The following OSBPL8 variants were observed in gnomAD, a reference collection of about 807,000 sequenced individuals.
OSBPL8 encodes oxysterol-binding protein-related protein 8.
In OSBPL8, 59 loss-of-function variants were observed where a neutral mutation model predicts 125.5. The observed-to-expected ratio is 0.47, with a 90% CI of 0.38 to 0.58. The LOEUF is 0.58. Among genes scored for constraint, OSBPL8 ranks in the 20% least tolerant of loss-of-function variants. OSBPL8 has a pLI of 0.00. For synonymous variants in OSBPL8, 330 were observed against 338.9 expected (o/e 0.97, Z 0.29); for missense variants, 758 against 1,047.8 (o/e 0.72, Z 3.82).
chr12:76,404,307 C>A (rs1267416443), intron 5 of OSBPL8, among the ~76,000 whole-genome samples: 1 of 152,084 alleles, frequency 6.6e-6, no homozygotes, highest in African/African-American at 2.4e-5. Flanking sequence ...CTTCCCACAA[C>A]TTAATAGGAC....
intron 12 of OSBPL8, among the ~76,000 whole-genome samples, chr12:76,387,773 A>G (rs1023928806): frequency 6.6e-6 from 1 of 152,188 alleles, no homozygotes; most frequent in Non-Finnish European, 1.5e-5. Context: ...TTTCTGGAGT[A>G]ACAACCCTCT....
intron 4 of OSBPL8, among the ~76,000 whole-genome samples, chr12:76,447,239 A>C (rs371209901): frequency 2.0e-5 from 3 of 152,216 alleles, no homozygotes; most frequent in East Asian, 3.8e-4. Flanking sequence ...GTCATAAAGA[A>C]TGAAAAGACG....
At chr12:76,457,663 T>G (rs1874222928) in intron 3 of OSBPL8, among the ~76,000 whole-genome samples, 1 of 152,186 alleles carries the variant, frequency 6.6e-6, no homozygotes, top group South Asian at 2.1e-4. Context: ...CTTTTAATAC[T>G]TGGCAGAGTA....
At chr12:76,471,459 T>C (rs958700048) in intron 2 of OSBPL8, among the ~76,000 whole-genome samples, 4 of 152,186 alleles carry the variant, frequency 2.6e-5, no homozygotes, top group Non-Finnish European at 5.9e-5. Flanking sequence ...ACTCCTAATA[T>C]TAAGTCCAGG....
intron 2 of OSBPL8, among the ~76,000 whole-genome samples, chr12:76,460,248 G>A (rs1451603011): frequency 6.6e-6 from 1 of 152,062 alleles, no homozygotes; most frequent in South Asian, 2.1e-4. Flanking sequence ...AAATTACATA[G>A]AAATTTAAGA....
intron 2 of OSBPL8, among the ~76,000 whole-genome samples, chr12:76,487,115 C>T (rs918018070): frequency 6.6e-6 from 1 of 150,650 alleles, no homozygotes; most frequent in Non-Finnish European, 1.5e-5. Context: ...CTGCAACCTC[C>T]ACCTCCCAAG....
At chr12:76,460,219 G>C (rs1874551053) in intron 2 of OSBPL8, among the ~76,000 whole-genome samples, 1 of 152,066 alleles carries the variant, frequency 6.6e-6, no homozygotes, top group African/African-American at 2.4e-5. Context: ...TACAATTCAA[G>C]ATATGTTAGT....
chr12:76,499,778 C>T (rs1025245318), intron 1 of OSBPL8, among the ~76,000 whole-genome samples: 2 of 151,882 alleles, frequency 1.3e-5, no homozygotes, highest in African/African-American at 4.8e-5. Flanking sequence ...CACTTGGACC[C>T]GGGAGCGGAG....
At chr12:76,372,454 G>A (rs1421667082) in intron 18 of OSBPL8, among the ~76,000 whole-genome samples, 1 of 151,896 alleles carries the variant, frequency 6.6e-6, no homozygotes, top group Admixed American at 6.6e-5. Context: ...CCAAAGTGCT[G>A]GAATTATAGG....
At chr12:76,517,942 G>A (rs1881712946) in intron 1 of OSBPL8, among the ~76,000 whole-genome samples, 1 of 152,160 alleles carries the variant, frequency 6.6e-6, no homozygotes, top group Non-Finnish European at 1.5e-5. Context: ...CAACATTGGA[G>A]ATCACATTTC....
chr12:76,379,948 AT>A (rs1952974399), intron 15 of OSBPL8, among the ~76,000 whole-genome samples: 1 of 152,342 alleles, frequency 6.6e-6, no homozygotes, highest in Admixed American at 6.5e-5. Context: ...GTCAAAAAAC[AT>A]TTGACCATGT....
intron 1 of OSBPL8, among the ~76,000 whole-genome samples, chr12:76,516,936 C>G (rs1307397864): frequency 1.3e-5 from 2 of 151,780 alleles, no homozygotes; most frequent in Non-Finnish European, 2.9e-5. Context: ...TGTCTCGCCT[C>G]CTGAGTAGCT....
intron 1 of OSBPL8, among the ~76,000 whole-genome samples, chr12:76,505,516 T>C (rs182919477): frequency 6.9e-4 from 105 of 152,258 alleles, no homozygotes; most frequent in Admixed American, 3.7e-3. Context: ...TTGTGTATTA[T>C]AATAGATACT....
At chr12:76,529,099 CATT>C (rs63008760) in intron 1 of OSBPL8, among the ~76,000 whole-genome samples, 30,890 of 151,688 alleles carry the variant, frequency 0.2, 3,357 homozygotes, top group Non-Finnish European at 0.26. Context: ...GCTAAAATAT[CATT>C]ATGAATTTCA....
In OSBPL8 at chr12:76,525,204, T is replaced by C. The variant is rs557133370; in HGVS notation, c.-68+34193A>G. Among the ~76,000 whole-genome samples, 2 of 152,312 alleles carry C rather than the reference T, an allele frequency of 1.3e-5. 1 individual carries two copies. The highest frequency in any genetic ancestry group is 4.1e-4 in the South Asian group (2 of 4,828). On this transcript the variant is annotated intron_variant, in intron 1 of 23. Coordinates refer to ENST00000261183, the MANE Select transcript of OSBPL8 (RefSeq NM_020841.5). ...TTTTTAAAAATTTCTCAGAATTATT[T>C]GAACATTTGCTGGATATTTTATGTC... is the stretch of plus-strand genomic sequence containing the variant.
At chr12:76,430,003 C>T (rs1338850830) in intron 4 of OSBPL8, among the ~76,000 whole-genome samples, 1 of 152,120 alleles carries the variant, frequency 6.6e-6, no homozygotes, top group African/African-American at 2.4e-5. Context: ...CCACTAGCAC[C>T]CCTGGTAACA....
chr12:76,420,881 G>A (rs984453540), intron 4 of OSBPL8, among the ~76,000 whole-genome samples: 4 of 151,928 alleles, frequency 2.6e-5, no homozygotes, highest in Non-Finnish European at 5.9e-5. Context: ...TTGTATTAAG[G>A]AGATGATGGA....
At chr12:76,496,245 CCT>C (rs1371092862) in intron 1 of OSBPL8, among the ~76,000 whole-genome samples, 2 of 152,010 alleles carry the variant, frequency 1.3e-5, no homozygotes, top group African/African-American at 4.8e-5. Context: ...TCCAGGGAAT[CCT>C]CTCTGTTTCC....
intron 10 of OSBPL8, 128 bp downstream of exon 10, chr12:76,392,453 G>A (rs1448513256): frequency 2.6e-6 from 2 of 759,470 alleles, no homozygotes; most frequent in Non-Finnish European, 4.0e-6. Context: ...CCGGTTCCTA[G>A]GCCATATAAT....
Sources: allele counts gnomAD v4.1 joint callset (sites outside exome capture counted in the v4.1 genomes callset), GRCh38; gene constraint gnomAD v4.1.1; transcripts MANE v1.5; gene names NCBI Gene and HGNC (gene_info 2026-07-23, HGNC 2026-07-21).